TEX46: variants seen among roughly 807,000 people sequenced by gnomAD.
TEX46 encodes the protein testis-expressed protein 46.
Under a neutral mutation model 5.3 loss-of-function variants are expected in TEX46, and 6 were observed. The ratio of observed to expected loss-of-function variants is 1.13; its 90% CI spans 0.62 to 2.23. The LOEUF is 2.23. TEX46 is among the 30% of genes most tolerant of loss of function. TEX46 has a pLI of 0.00. For missense variants in TEX46, 131 were observed against 150.9 expected (o/e 0.87, Z 0.69); for synonymous variants, 41 against 54.6 (o/e 0.75, Z 1.10).
chr1:23,012,099 C>G (rs1315815370), intron 2 of TEX46, among the ~76,000 whole-genome samples: 1 of 151,954 alleles, frequency 6.6e-6, no homozygotes, highest in African/African-American at 2.4e-5. Context: ...GCTGTAATCC[C>G]AGCACCTTCG....
At position 23,012,693 on chromosome 1, in the gene TEX46, T is replaced by C. The variant is rs140347897; in HGVS notation, c.165+1190A>G. Among the ~76,000 whole-genome samples the C allele has an allele frequency of 1.1e-3, 171 of 152,324 alleles. 1 individual carries two copies. The highest frequency in any genetic ancestry group is 7.3e-3 in the Admixed American group (111 of 15,294). On this transcript the variant is annotated intron_variant, in intron 2 of 2. Transcript: ENST00000566855. ...AATGGCAGGTGTGCTACTTGGCATC[T>C]CATGGGTAGGGGCCGGGGTGGCCGC...
In TEX46 at chr1:23,011,392, C is replaced by CTTT. The variant is rs35145511; in HGVS notation, c.166-294_166-292dup. ...GGACCCAGTAACGGGAAGTCACTTT[C>CTTT]TTTTTTTTTTTTTTTTTGAGACTGA... On this transcript the variant is annotated intron_variant, in intron 2 of 2. Transcript: ENST00000566855. 2.5e-3 allele frequency among the ~76,000 whole-genome samples: 327 copies of CTTT among 133,238 alleles called. 6 individuals carry two copies. Among genetic ancestry groups the CTTT allele is most frequent in the African/African-American group, 8.4e-3 (303 of 36,008 alleles). 87.4% of individuals were successfully genotyped at this position (133,238 alleles called of 152,430 possible).
At chr1:23,011,609 G>C (rs1641352379) in intron 2 of TEX46, among the ~76,000 whole-genome samples, 1 of 152,152 alleles carries the variant, frequency 6.6e-6, no homozygotes, top group Non-Finnish European at 1.5e-5. Context: ...ATTATTAATA[G>C]AGGCAGGGTT....
Position 23,011,101 on chromosome 1 carries a change from C to T in TEX46, c.166G>A (p.Asp56Asn). The part of the protein sequence containing the change: ...HKLTLPEPQQ[D>N]EILQRLLFSE... ...AACAACAGCCGTTGGAGGATCTCGT[C>T]CTGGAGGGCAAAGCAGGCATGCGTT... Residue 56 changes from aspartate (D) to asparagine (N), a missense_variant and splice_region_variant, in exon 3 of 3, where the codon GAC (aspartate) becomes AAC (asparagine). Asp to Asn is a conservative substitution (Grantham distance 23). Coordinates refer to ENST00000566855, the MANE Select transcript of TEX46 (RefSeq NM_001242521.2). 2 of 1,535,786 alleles carry T rather than the reference C, an allele frequency of 1.3e-6. No individual in the cohort carries two copies. The highest frequency in any genetic ancestry group is 1.7e-6 in the Non-Finnish European group (2 of 1,146,668).
At chr1:23,013,802 C>A in intron 2 of TEX46, 81 bp downstream of exon 2, 1 of 1,321,636 alleles carries the variant, frequency 7.6e-7, no homozygotes, top group Non-Finnish European at 1.0e-6. Context: ...ATTTCGACAC[C>A]TACCCTGTTC....
At position 23,011,089 on chromosome 1, in the gene TEX46, G is replaced by T; in HGVS notation, c.178C>A (p.Gln60Lys). Reference sequence around the variant, plus strand: ...TTCATTTCACTGAACAACAGCCGTTGGAGGATCTCGTCCTGGAGGGCAAAG... The same window carrying T: ...TTCATTTCACTGAACAACAGCCGTTTGAGGATCTCGTCCTGGAGGGCAAAG... ...LPEPQQDEILQRLLFSEMKMK... is the reference protein window; with the variant it reads ...LPEPQQDEILKRLLFSEMKMK... The change falls in exon 3 of 3, where the codon CAA (glutamine) becomes AAA (lysine). Residue 60 changes from glutamine (Q) to lysine (K), a missense_variant. Coordinates refer to ENST00000566855, the MANE Select transcript of TEX46 (RefSeq NM_001242521.2). The T allele has an allele frequency of 6.5e-7, 1 of 1,535,930 alleles. No homozygotes were observed.
chr1:23,012,694 C>A (rs556466465), intron 2 of TEX46, among the ~76,000 whole-genome samples: 14 of 152,190 alleles, frequency 9.2e-5, no homozygotes, highest in Non-Finnish European at 1.9e-4. Flanking sequence ...CTTGGCATCT[C>A]ATGGGTAGGG....
chr1:23,013,306 GGT>G (rs1394691920), intron 2 of TEX46, among the ~76,000 whole-genome samples: 1 of 152,082 alleles, frequency 6.6e-6, no homozygotes, highest in African/African-American at 2.4e-5. Flanking sequence ...CTGAGTAGCT[GGT>G]ATTACAGGTG....
chr1:23,014,171 T>TC, intron 1 of TEX46, 126 bp from the exon 2 acceptor site: 1 of 597,460 alleles, frequency 1.7e-6, no homozygotes, highest in African/African-American at 2.8e-5. Flanking sequence ...GCCAGCTCCC[T>TC]CCCCCCACCC....
At chr1:23,014,234 T>C in intron 1 of TEX46, 189 bp from the exon 2 acceptor site, 3 of 1,077,056 alleles carry the variant, frequency 2.8e-6, no homozygotes. Context: ...GCACCCACTA[T>C]GTGCCAGACT....
In TEX46 at chr1:23,015,844, G is replaced by T; in HGVS notation, c.-71C>A. ...GTGGCTGCCAGGGTCTGGAAGGAGG[G>T]GCAAATGTAGTCATTGTTTAATGTA... On this transcript the variant is annotated 5_prime_UTR_variant, in exon 1 of 3. Transcript: ENST00000566855. The T allele has an allele frequency of 1.5e-6, 1 of 665,912 alleles. No individual in the cohort carries two copies. The highest frequency in any genetic ancestry group is 1.6e-5 in the South Asian group (1 of 60,690). 41.3% of individuals were successfully genotyped at this position (665,912 alleles called of 1,614,324 possible). A position where few individuals can be genotyped will look rare whatever the true frequency, so the allele number is the denominator to read the frequency against.
At chr1:23,011,831 T>C (rs762645237) in intron 2 of TEX46, among the ~76,000 whole-genome samples, 5 of 152,196 alleles carry the variant, frequency 3.3e-5, no homozygotes, top group Non-Finnish European at 5.9e-5. Flanking sequence ...CCAGTCACAG[T>C]GGACATAAAG....
At chr1:23,015,676 C>T (rs1370022179) in intron 1 of TEX46, 96 bp downstream of exon 1, 1 of 648,776 alleles carries the variant, frequency 1.5e-6, no homozygotes, top group Admixed American at 2.4e-5. Context: ...GAAGGAAATT[C>T]TAACATGTTA....
At chr1:23,013,748 G>A (rs1569576312) in intron 2 of TEX46, 135 bp downstream of exon 2, 1 of 768,512 alleles carries the variant, frequency 1.3e-6, no homozygotes, top group Non-Finnish European at 2.0e-6. Context: ...AAGCTGTAGA[G>A]TGGTGGTTTA....
chr1:23,011,103 T>C lies in TEX46; in HGVS notation c.166-2A>G, dbSNP rs1244685261. On this transcript the variant is annotated splice_acceptor_variant, in intron 2 of 2. Transcript: ENST00000566855. LOFTEE classifies it high-confidence loss of function. Reference sequence around the variant, plus strand: ...CAACAGCCGTTGGAGGATCTCGTCCTGGAGGGCAAAGCAGGCATGCGTTCT... The same window carrying C: ...CAACAGCCGTTGGAGGATCTCGTCCCGGAGGGCAAAGCAGGCATGCGTTCT... 1.3e-6 allele frequency: 2 copies of C among 1,535,832 alleles called. No individual in the cohort carries two copies. The highest frequency in any genetic ancestry group is 1.4e-5 in the African/African-American group (1 of 73,162).
chr1:23,015,436 C>CCA (rs1232794600), intron 1 of TEX46, among the ~76,000 whole-genome samples: 1 of 27,766 alleles, frequency 3.6e-5, no homozygotes, highest in African/African-American at 1.6e-4. Context: ...GACTCCTTCT[C>CCA]AAAAAAAAAA....
chr1:23,011,388 C>T (rs1174837920), intron 2 of TEX46, among the ~76,000 whole-genome samples: 1 of 147,358 alleles, frequency 6.8e-6, no homozygotes, highest in Non-Finnish European at 1.5e-5. Flanking sequence ...CGGGAAGTCA[C>T]TTTCTTTTTT....
rs192609586 is a variant in TEX46, at chr1:23,011,124, G to A, written c.166-23C>T. On this transcript the variant is annotated intron_variant, in intron 2 of 2. Coordinates refer to ENST00000566855, the MANE Select transcript of TEX46 (RefSeq NM_001242521.2). ...GTCCTGGAGGGCAAAGCAGGCATGC[G>A]TTCTATTGACTTCTTTTGTGTTCAC... is the stretch of plus-strand genomic sequence containing the variant. The A allele has an allele frequency of 3.1e-3, 4,809 of 1,527,050 alleles. 12 individuals are homozygous for A. Among genetic ancestry groups the A allele is most frequent in the African/African-American group, 5.6e-3 (410 of 72,890 alleles). 94.6% of individuals were successfully genotyped at this position (1,527,050 alleles called of 1,614,324 possible).
chr1:23,013,929 C>A lies in TEX46; in HGVS notation c.119G>T (p.Trp40Leu). The part of the protein sequence containing the change: ...FLFLLLLLSN[W>L]LVKYEHKLTL... ...GAGCTTGTGTTCATACTTGACCAAC[C>A]AGTTGCTAAGCAACAGCAGAAGGAA... Residue 40 changes from tryptophan (W) to leucine (L), a missense_variant, in exon 2 of 3, where the codon TGG becomes TTG. Transcript: ENST00000566855. The A allele has an allele frequency of 3.3e-6, 5 of 1,536,152 alleles. No homozygotes were observed. Among genetic ancestry groups the A allele is most frequent in the Non-Finnish European group, 4.4e-6 (5 of 1,146,908 alleles).
Sources: allele counts gnomAD v4.1 joint callset (sites outside exome capture counted in the v4.1 genomes callset), GRCh38; gene constraint gnomAD v4.1.1; transcripts MANE v1.5; gene names NCBI Gene and HGNC (gene_info 2026-07-23, HGNC 2026-07-21).